The following MYO1E variants were observed in gnomAD, a reference collection of about 807,000 sequenced individuals.
The protein encoded by MYO1E is myosin IE, also known as unconventional myosin-Ie.
In MYO1E, 68 loss-of-function variants were observed where a neutral mutation model predicts 151.1. The ratio of observed to expected loss-of-function variants is 0.45; its 90% CI spans 0.37 to 0.55. The LOEUF is 0.55. MYO1E is among the 20% of genes least tolerant of loss of function. The probability of loss-of-function intolerance (pLI) is 0.00; values close to 1 mark genes in which losing one functional copy is unlikely to be tolerated. For missense variants in MYO1E, 1,363 were observed against 1,389.3 expected (o/e 0.98, Z 0.30); for synonymous variants, 601 against 501.7 (o/e 1.20, Z -2.64).
At chr15:59,289,708 G>C (rs2080407902) in intron 1 of MYO1E, among the ~76,000 whole-genome samples, 1 of 152,214 alleles carries the variant, frequency 6.6e-6, no homozygotes, top group Admixed American at 6.5e-5. Flanking sequence ...TCTAGTTAGA[G>C]ATCTCTGGCT....
intron 24 of MYO1E, 89 bp downstream of exon 24, chr15:59,160,984 C>T: frequency 6.5e-7 from 1 of 1,537,210 alleles, no homozygotes; most frequent in Middle Eastern, 2.3e-4. Flanking sequence ...ATTCTCAGCC[C>T]CCACATCTGT....
chr15:59,242,529 G>A (rs1357097033), intron 4 of MYO1E, among the ~76,000 whole-genome samples: 1 of 152,088 alleles, frequency 6.6e-6, no homozygotes, highest in African/African-American at 2.4e-5. Flanking sequence ...AGGAGAGAAA[G>A]GAAAGCTCTT....
intron 24 of MYO1E, 91 bp from the exon 25 acceptor site, chr15:59,158,470 C>A: frequency 1.0e-6 from 1 of 989,414 alleles, no homozygotes; most frequent in Non-Finnish European, 1.6e-6. Context: ...TTTTGAGAAG[C>A]TTGGATTCCA....
At chr15:59,218,185 G>A (rs1183434747) in intron 9 of MYO1E, 98 bp from the exon 10 acceptor site, 1 of 1,417,962 alleles carries the variant, frequency 7.1e-7, no homozygotes, top group African/African-American at 1.4e-5. Context: ...ACATGCACGT[G>A]TGTGTGCATA....
intron 22 of MYO1E, among the ~76,000 whole-genome samples, chr15:59,169,650 G>A (rs1307277036): frequency 6.6e-6 from 1 of 152,052 alleles, no homozygotes; most frequent in Non-Finnish European, 1.5e-5. Context: ...CCGCAAGAAA[G>A]GAACCTTCCA....
intron 22 of MYO1E, among the ~76,000 whole-genome samples, chr15:59,167,158 C>G (rs528021429): frequency 9.2e-5 from 14 of 152,326 alleles, no homozygotes; most frequent in Non-Finnish European, 1.6e-4. Flanking sequence ...TTAGGGGATT[C>G]AGGCAAGGAG....
At chr15:59,269,767 G>A (rs1035464674) in intron 2 of MYO1E, among the ~76,000 whole-genome samples, 1 of 152,124 alleles carries the variant, frequency 6.6e-6, no homozygotes, top group African/African-American at 2.4e-5. Context: ...GGCTGAGGAA[G>A]GAGTGAATCT....
chr15:59,269,981 C>G (rs576001880), intron 2 of MYO1E, among the ~76,000 whole-genome samples: 1 of 152,114 alleles, frequency 6.6e-6, no homozygotes, highest in African/African-American at 2.4e-5. Context: ...GCTCTGCCAC[C>G]ATAGTGTGAA....
At chr15:59,342,439 C>T (rs1240979567) in intron 1 of MYO1E, among the ~76,000 whole-genome samples, 2 of 152,130 alleles carry the variant, frequency 1.3e-5, no homozygotes, top group Non-Finnish European at 1.5e-5. Flanking sequence ...GGAGTCTTCC[C>T]AATGTTTTCT....
chr15:59,355,141 G>A (rs867478165), intron 1 of MYO1E, among the ~76,000 whole-genome samples: 46 of 152,256 alleles, frequency 3.0e-4, no homozygotes, highest in Middle Eastern at 3.4e-3. Flanking sequence ...CAGCAAAGTT[G>A]CCAATTCTAC....
chr15:59,269,913 G>T (rs2080279379), intron 2 of MYO1E, among the ~76,000 whole-genome samples: 2 of 151,384 alleles, frequency 1.3e-5, no homozygotes, highest in African/African-American at 4.9e-5. Flanking sequence ...ATTTTTTTCT[G>T]CAAAGGGCCA....
At chr15:59,201,948 T>C (rs12102128) in intron 16 of MYO1E, among the ~76,000 whole-genome samples, 126 of 152,320 alleles carry the variant, frequency 8.3e-4, no homozygotes, top group African/African-American at 2.7e-3. Context: ...GTTCCATAAC[T>C]GGCAGGTTTT....
chr15:59,296,196 C>T (rs978511810), intron 1 of MYO1E, among the ~76,000 whole-genome samples: 1 of 152,168 alleles, frequency 6.6e-6, no homozygotes, highest in African/African-American at 2.4e-5. Flanking sequence ...CTGCTCTATG[C>T]CAACTTCTAA....
In MYO1E at chr15:59,272,452, G is replaced by T. The variant is rs1486681964; in HGVS notation, c.4-3C>A. The T allele has an allele frequency of 6.2e-7, 1 of 1,613,994 alleles. No individual in the cohort carries two copies. Among genetic ancestry groups the T allele is most frequent in the Non-Finnish European group, 8.5e-7 (1 of 1,179,918 alleles). On this transcript the variant is annotated splice_polypyrimidine_tract_variant and splice_region_variant and intron_variant, in intron 1 of 27. Coordinates refer to ENST00000288235, the MANE Select transcript of MYO1E (RefSeq NM_004998.4). ...TACTGGTAGACACCTTTGCTTCCCT[G>T]GGAACATAAAACATACAATTACTAG...
At chr15:59,172,779 T>G (rs559042522) in intron 21 of MYO1E, among the ~76,000 whole-genome samples, 1 of 152,264 alleles carries the variant, frequency 6.6e-6, no homozygotes, top group Non-Finnish European at 1.5e-5. Flanking sequence ...TGAATGATAA[T>G]TCTCAATAAT....
intron 26 of MYO1E, among the ~76,000 whole-genome samples, chr15:59,151,602 A>G (rs2079479250): frequency 1.3e-5 from 2 of 152,192 alleles, no homozygotes; most frequent in South Asian, 4.1e-4. Context: ...CAGGAAAAAC[A>G]TCAAATAATA....
At chr15:59,343,712 T>A (rs1208561429) in intron 1 of MYO1E, among the ~76,000 whole-genome samples, 2 of 152,120 alleles carry the variant, frequency 1.3e-5, no homozygotes, top group East Asian at 3.9e-4. Flanking sequence ...TTTTCTTTTG[T>A]CTCCTCTGAC....
At chr15:59,253,709 T>C (rs957570635) in intron 4 of MYO1E, among the ~76,000 whole-genome samples, 1 of 152,112 alleles carries the variant, frequency 6.6e-6, no homozygotes, top group African/African-American at 2.4e-5. Flanking sequence ...CTTGATCTCC[T>C]GACCTCGTAA....
At chr15:59,256,239 T>C (rs375912096) in intron 4 of MYO1E, 45 bp downstream of exon 4, 78 of 1,429,084 alleles carry the variant, frequency 5.5e-5, no homozygotes, top group Non-Finnish European at 6.2e-5. Context: ...AACCACAGCA[T>C]AGTCTCATAT....
Sources: allele counts gnomAD v4.1 joint callset (sites outside exome capture counted in the v4.1 genomes callset), GRCh38; gene constraint gnomAD v4.1.1; transcripts MANE v1.5; gene names NCBI Gene and HGNC (gene_info 2026-07-23, HGNC 2026-07-21).